Variants in EIF2AK4 observed in about 807,000 individuals in gnomAD.
EIF2AK4 encodes the protein eIF-2-alpha kinase GCN2.
A neutral mutation model predicts 211.1 loss-of-function variants in EIF2AK4; 139 were observed. That is an observed-to-expected ratio of 0.66 (90% CI 0.57 to 0.76). The LOEUF is 0.76. Among genes scored for constraint, EIF2AK4 ranks in the 30% least tolerant of loss-of-function variants. The probability of loss-of-function intolerance (pLI) is 0.00; values close to 1 mark genes in which losing one functional copy is unlikely to be tolerated. For missense variants in EIF2AK4, 1,664 were observed against 2,043.8 expected (o/e 0.81, Z 3.58); for synonymous variants, 710 against 751.3 (o/e 0.94, Z 0.90).
In EIF2AK4 at chr15:39,967,516, T is replaced by A. The variant is rs761217927; in HGVS notation, c.1190T>A (p.Ile397Asn). Reference sequence around the variant, plus strand: ...GCACACCTGAGCCACTCAGGCCCCATCCCTGTGCATCAGCTTCGCAGGTAC... The same window carrying A: ...GCACACCTGAGCCACTCAGGCCCCAACCCTGTGCATCAGCTTCGCAGGTAC... Reference protein sequence around the residue: ...LAAHLSHSGPIPVHQLRRYTA... With the variant: ...LAAHLSHSGPNPVHQLRRYTA... The change falls in exon 9 of 39, where the codon ATC becomes AAC. Residue 397 changes from isoleucine to asparagine, a missense_variant. Ile to Asn is a moderately radical substitution (Grantham distance 149). Around this residue, in one of 7 missense-constraint regions of EIF2AK4, gnomAD observed 641 missense variants for 729.6 expected, o/e 0.88. Coordinates refer to ENST00000263791, the MANE Select transcript of EIF2AK4 (RefSeq NM_001013703.4). 4.3e-6 allele frequency: 7 copies of A among 1,614,030 alleles called. No individual in the cohort carries two copies. The highest frequency in any genetic ancestry group is 5.9e-6 in the Non-Finnish European group (7 of 1,179,996).
At chr15:40,019,239 T>G (rs1379800398) in intron 30 of EIF2AK4, 39 bp downstream of exon 30, 1 of 1,437,114 alleles carries the variant, frequency 7.0e-7, no homozygotes. Context: ...CTTCGAGGTG[T>G]CTTTCATTTC....
At position 40,004,753 on chromosome 15, in the gene EIF2AK4, C is replaced by T. The variant is rs372648934; in HGVS notation, c.3357+1439C>T. 5.1e-3 allele frequency among the ~76,000 whole-genome samples: 773 copies of T among 152,154 alleles called. 5 individuals are homozygous for T. The highest frequency in any genetic ancestry group is 0.018 in the South Asian group (88 of 4,792). ...TTTTTTTTGTAGAAACGGGCTCTCG[C>T]TGTGTTGCCCAGGCTGGTCTCAAAC... On this transcript the variant is annotated intron_variant, in intron 23 of 38. Transcript: ENST00000263791.
chr15:39,960,129 A>G lies in EIF2AK4; in HGVS notation c.744-1655A>G, dbSNP rs8042788. 4.1e-5 allele frequency among the ~76,000 whole-genome samples: 6 copies of G among 147,662 alleles called. No homozygotes were observed. The East Asian group carries it at 1.2e-3, about 30-fold the overall frequency. ...CAGTGAGCCAAGATCGCGCCACTGC[A>G]CTCCAGCCTGGGCGACAGAGCGAGA... On this transcript the variant is annotated intron_variant, in intron 6 of 38. Transcript: ENST00000263791.
At chr15:39,997,800 C>T (rs1310117048) in intron 19 of EIF2AK4, among the ~76,000 whole-genome samples, 2 of 152,142 alleles carry the variant, frequency 1.3e-5, no homozygotes, top group African/African-American at 4.8e-5. Context: ...GTCAGAGATG[C>T]CCATGAGCAA....
At chr15:40,027,629 G>A (rs909886482) in intron 33 of EIF2AK4, among the ~76,000 whole-genome samples, 5 of 152,136 alleles carry the variant, frequency 3.3e-5, no homozygotes, top group African/African-American at 9.7e-5. Context: ...GGTGGCTCAC[G>A]CCTGTAATCC....
rs117963448 is a variant in EIF2AK4, at chr15:39,938,033, C to G, written c.145-1472C>G. On this transcript the variant is annotated intron_variant, in intron 1 of 38. Coordinates refer to ENST00000263791, the MANE Select transcript of EIF2AK4 (RefSeq NM_001013703.4). ...CCTCAGATAGTTCTTCTTTGATAAC[C>G]ACATTTAAGTATATACCCTCACACC... 3.2e-3 allele frequency among the ~76,000 whole-genome samples: 487 copies of G among 152,304 alleles called. 4 individuals carry two copies. The East Asian group carries it at 0.04, about 12-fold the overall frequency.
At chr15:39,934,940 G>A (rs1223950318) in intron 1 of EIF2AK4, among the ~76,000 whole-genome samples, 2 of 152,200 alleles carry the variant, frequency 1.3e-5, no homozygotes, top group African/African-American at 4.8e-5. Flanking sequence ...AGCTGTAGTA[G>A]AGAGAGGGTT....
chr15:39,996,919 C>T (rs371485518), intron 18 of EIF2AK4, 45 bp from the exon 19 acceptor site: 16 of 1,348,764 alleles, frequency 1.2e-5, no homozygotes, highest in Non-Finnish European at 1.7e-5. Context: ...GTAAATTATA[C>T]TTTCATATCA....
intron 4 of EIF2AK4, chr15:39,951,463 T>C: frequency 2.5e-6 from 1 of 402,104 alleles, no homozygotes; most frequent in South Asian, 1.8e-5. Flanking sequence ...CAGGTTGGTG[T>C]TTTCAAAAAG....
Position 40,017,501 on chromosome 15 carries a change from C to CTTTATATATATA in EIF2AK4, c.4065+260_4065+261insTTATATATATAT, listed in dbSNP as rs1363648720. Among the ~76,000 whole-genome samples the CTTTATATATATA allele has an allele frequency of 8.4e-4, 22 of 26,106 alleles. 3 individuals carry two copies. Among genetic ancestry groups the CTTTATATATATA allele is most frequent in the African/African-American group, 2.4e-3 (15 of 6,344 alleles). 17.1% of individuals were successfully genotyped at this position (26,106 alleles called of 152,430 possible). On this transcript the variant is annotated intron_variant, in intron 29 of 38. Coordinates refer to ENST00000263791, the MANE Select transcript of EIF2AK4 (RefSeq NM_001013703.4). ...GGCTCATGTACCCTTTACTCTGTTT[C>CTTTATATATATA]TATATATATATATATATATATATAT...
chr15:39,934,286 G>C lies in EIF2AK4; in HGVS notation c.91G>C (p.Glu31Gln). ...QRQDHELQAL[E>Q]AIYGADFQDL... ...ACAGGACCACGAGCTACAGGCCCTGGAGGCCATTTACGGCGCGGACTTCCA... is the reference window on the plus strand; with the variant it reads ...ACAGGACCACGAGCTACAGGCCCTGCAGGCCATTTACGGCGCGGACTTCCA... The change falls in exon 1 of 39, where the codon GAG (glutamate) becomes CAG (glutamine). Residue 31 changes from glutamate to glutamine, a missense_variant. This residue lies in a region of EIF2AK4 where 641 missense variants were observed against 729.6 expected (regional missense o/e 0.88). Coordinates refer to ENST00000263791, the MANE Select transcript of EIF2AK4 (RefSeq NM_001013703.4). The C allele has an allele frequency of 1.2e-6, 2 of 1,612,162 alleles. No individual in the cohort carries two copies. The highest frequency in any genetic ancestry group is 1.7e-6 in the Non-Finnish European group (2 of 1,179,186).
intron 27 of EIF2AK4, among the ~76,000 whole-genome samples, chr15:40,014,500 C>T (rs1276080060): frequency 1.3e-5 from 2 of 152,252 alleles, no homozygotes; most frequent in Non-Finnish European, 2.9e-5. Flanking sequence ...CTGAGCTGTA[C>T]ATACCTTGGC....
At chr15:39,938,434 A>T (rs749268392) in intron 1 of EIF2AK4, among the ~76,000 whole-genome samples, 1 of 152,266 alleles carries the variant, frequency 6.6e-6, no homozygotes, top group South Asian at 2.1e-4. Context: ...AGAAGAGTAC[A>T]GTGTTTATTA....
chr15:39,978,092 C>A lies in EIF2AK4; in HGVS notation c.2264C>A (p.Ser755Tyr). The A allele has an allele frequency of 6.3e-7, 1 of 1,594,406 alleles. No individual in the cohort carries two copies. Among genetic ancestry groups the A allele is most frequent in the Non-Finnish European group, 8.6e-7 (1 of 1,167,010 alleles). Residue 755 changes from serine (S) to tyrosine (Y), a missense_variant, in exon 13 of 39, where the codon TCT becomes TAT. Coordinates refer to ENST00000263791, the MANE Select transcript of EIF2AK4 (RefSeq NM_001013703.4). Reference protein sequence around the residue: ...FSQSFLPASDSESDIIFDNED... With the variant: ...FSQSFLPASDYESDIIFDNED... ...CCCTTTTTCAGGCCTGCTTCAGATT[C>A]TGAAAGTGATATTATCTTTGACAAT...
intron 4 of EIF2AK4, chr15:39,951,358 C>T (rs516009): frequency 0.65 from 137,371 of 211,182 alleles, 47,353 homozygotes; most frequent in East Asian, 0.99. Context: ...GCCCGACCCA[C>T]AGTGGATTCT....
At chr15:39,979,734 A>G (rs16970112) in intron 13 of EIF2AK4, among the ~76,000 whole-genome samples, 9,370 of 152,206 alleles carry the variant, frequency 0.062, 463 homozygotes, top group East Asian at 0.28. Context: ...CCTCTTAGAA[A>G]TCAAATGGCC....
At chr15:39,987,882 C>T (rs923275360) in intron 14 of EIF2AK4, 101 bp from the exon 15 acceptor site, 4 of 1,366,342 alleles carry the variant, frequency 2.9e-6, no homozygotes. Flanking sequence ...GTTTAAAACC[C>T]ATGGTACACG....
At chr15:39,997,993 C>T (rs1294310758) in intron 19 of EIF2AK4, among the ~76,000 whole-genome samples, 2 of 152,220 alleles carry the variant, frequency 1.3e-5, no homozygotes, top group Non-Finnish European at 2.9e-5. Flanking sequence ...CTGTATTCCA[C>T]TATAAGAACA....
intron 15 of EIF2AK4, among the ~76,000 whole-genome samples, chr15:39,988,691 G>T (rs1365917991): frequency 6.6e-6 from 1 of 152,138 alleles, no homozygotes; most frequent in African/African-American, 2.4e-5. Flanking sequence ...GGAATATGAG[G>T]ATGATTCCTT....
Sources: allele counts gnomAD v4.1 joint callset (sites outside exome capture counted in the v4.1 genomes callset), GRCh38; gene constraint gnomAD v4.1.1; regional missense constraint gnomAD v4.1.1; transcripts MANE v1.5; gene names NCBI Gene and HGNC (gene_info 2026-07-23, HGNC 2026-07-21).